Variants in ABLIM2 observed in about 807,000 individuals in gnomAD.
ABLIM2 encodes actin-binding LIM protein 2.
In ABLIM2, 53 loss-of-function variants were observed where a neutral mutation model predicts 97.7. The ratio of observed to expected loss-of-function variants is 0.54; its 90% confidence interval spans 0.44 to 0.68. ABLIM2 has a LOEUF of 0.68. Ranked by LOEUF, ABLIM2 falls within the 30% of genes least tolerant of loss-of-function variation. The probability of loss-of-function intolerance (pLI) is 0.00; values close to 1 mark genes in which losing one functional copy is unlikely to be tolerated. For synonymous variants in ABLIM2, 361 were observed against 345.8 expected (o/e 1.04, Z -0.49); for missense variants, 835 against 867.2 (o/e 0.96, Z 0.47).
chr4:8,056,448 A>G (rs1799209663), intron 7 of ABLIM2, among the ~76,000 whole-genome samples: 1 of 151,550 alleles, frequency 6.6e-6, no homozygotes. Context: ...CTACAGAAGC[A>G]TAGCACCATG....
chr4:8,056,032 G>C (rs1798840930), intron 7 of ABLIM2, among the ~76,000 whole-genome samples: 1 of 144,880 alleles, frequency 6.9e-6, no homozygotes, highest in Admixed American at 7.1e-5. Flanking sequence ...AGAATCGCTT[G>C]AACTTGGGAG....
At chr4:8,056,138 A>AAAAAAAAAAAC (rs1798975697) in intron 7 of ABLIM2, among the ~76,000 whole-genome samples, 1 of 142,170 alleles carries the variant, frequency 7.0e-6, no homozygotes, top group Non-Finnish European at 1.6e-5. Context: ...AAAAAAAAAA[A>AAAAAAAAAAAC]AGTAACAGAT....
intron 20 of ABLIM2, among the ~76,000 whole-genome samples, chr4:7,973,274 GC>G (rs1451732304): frequency 1.3e-5 from 2 of 152,074 alleles, no homozygotes; most frequent in Non-Finnish European, 2.9e-5. Flanking sequence ...AGTTTGGGGG[GC>G]TGAGACGGGT....
Position 8,019,771 on chromosome 4 carries a change from C to G in ABLIM2, c.1370-100G>C, listed in dbSNP as rs1772202717. ...CTTTTTGTAAGCAACAAGCACTCAC[C>G]CAGATTTAGAATCATCAGGCAGGAA... On this transcript the variant is annotated intron_variant, in intron 13 of 20. Coordinates refer to ENST00000447017, the MANE Select transcript of ABLIM2 (RefSeq NM_001130083.2). This position sits in a 1 kb window ranked among gnomAD's most constrained non-coding sequence, Gnocchi z 4.3. 1 of 1,182,246 alleles carries G rather than the reference C, an allele frequency of 8.5e-7. No individual in the cohort carries two copies. Among genetic ancestry groups the G allele is most frequent in the East Asian group, 2.4e-5 (1 of 41,720 alleles). 73.2% of individuals were successfully genotyped at this position (1,182,246 alleles called of 1,614,324 possible).
intron 6 of ABLIM2, among the ~76,000 whole-genome samples, chr4:8,064,431 G>A (rs1346045570): frequency 6.6e-6 from 1 of 152,230 alleles, no homozygotes; most frequent in Non-Finnish European, 1.5e-5. Flanking sequence ...GGAAAGCTCT[G>A]AGCCAGCCAG....
At chr4:8,025,371 T>C (rs1157751931) in intron 12 of ABLIM2, among the ~76,000 whole-genome samples, 1 of 151,990 alleles carries the variant, frequency 6.6e-6, no homozygotes, top group Non-Finnish European at 1.5e-5. Flanking sequence ...GGAGATGCCC[T>C]TGGAGGGGCT....
Position 8,077,537 on chromosome 4 carries a change from G to T in ABLIM2, c.675+91C>A, listed in dbSNP as rs574019326. The T allele has an allele frequency of 4.0e-6, 5 of 1,248,666 alleles. No homozygotes were observed. The South Asian group carries it at 4.2e-5, about 10-fold the overall frequency. The allele number at this position is 1,248,666 out of a possible 1,614,324, so 77.3% of individuals were successfully genotyped here. On this transcript the variant is annotated intron_variant, in intron 6 of 20. Transcript: ENST00000447017. ...TGAAGCTGCAGCCAGACAGATTCTT[G>T]CACAAACACACACAAATCTCCCAGT... is the stretch of plus-strand genomic sequence containing the variant.
intron 1 of ABLIM2, among the ~76,000 whole-genome samples, chr4:8,141,290 A>G (rs1850947762): frequency 6.6e-6 from 1 of 152,138 alleles, no homozygotes. Context: ...CAAAAGCTAT[A>G]ATCTTATGGA....
intron 10 of ABLIM2, among the ~76,000 whole-genome samples, 159 bp downstream of exon 10, chr4:8,035,990 C>T (rs113177023): frequency 0.019 from 2,857 of 152,268 alleles, 83 homozygotes; most frequent in African/African-American, 0.065. Flanking sequence ...AGGATGTGCA[C>T]ATGGCTATCT....
At position 8,135,444 on chromosome 4, in the gene ABLIM2, G is replaced by C. The variant is rs1578453919; in HGVS notation, c.10+23236C>G. 3.9e-5 allele frequency among the ~76,000 whole-genome samples: 6 copies of C among 152,318 alleles called. 1 individual carries two copies. Among genetic ancestry groups the C allele is most frequent in the Admixed American group, 3.9e-4 (6 of 15,304 alleles). ...GTGTTAGGACGTGAGGCCTTCGGAA[G>C]GTGATTAGTTCATGAGTGTGGAAGC... On this transcript the variant is annotated intron_variant, in intron 1 of 20. Transcript: ENST00000447017.
At chr4:8,139,494 T>G (rs188813315) in intron 1 of ABLIM2, among the ~76,000 whole-genome samples, 1 of 152,078 alleles carries the variant, frequency 6.6e-6, no homozygotes, top group East Asian at 1.9e-4. Flanking sequence ...AACAAACATA[T>G]GAAAAAAGCT....
Position 8,069,547 on chromosome 4 carries a change from A to C in ABLIM2, c.675+8081T>G, listed in dbSNP as rs1179768870. Among the ~76,000 whole-genome samples the C allele has an allele frequency of 2.0e-5, 3 of 152,068 alleles. No individual in the cohort carries two copies. The highest frequency in any genetic ancestry group is 2.9e-5 in the Non-Finnish European group (2 of 67,998). On this transcript the variant is annotated intron_variant, in intron 6 of 20. Coordinates refer to ENST00000447017, the MANE Select transcript of ABLIM2 (RefSeq NM_001130083.2). The surrounding 1 kb of genome is among the most constrained non-coding windows in gnomAD (Gnocchi z 4.2). ...AAGGCAGGAAGGCAGAGATGCGGCA[A>C]AGGGTGTGTGCGCATGTGCGTGTCT...
intron 10 of ABLIM2, among the ~76,000 whole-genome samples, chr4:8,034,919 G>A (rs1783508138): frequency 8.6e-6 from 1 of 116,756 alleles, no homozygotes. Flanking sequence ...TGGGTGGTGG[G>A]TGGTAGGTAG....
chr4:8,152,394 C>G (rs1172797723), intron 1 of ABLIM2, among the ~76,000 whole-genome samples: 2 of 151,426 alleles, frequency 1.3e-5, no homozygotes, highest in South Asian at 4.3e-4. Flanking sequence ...GAGATGCCAC[C>G]GGCCGCTCCG....
At chr4:7,975,067 A>G (rs1411994565) in intron 20 of ABLIM2, among the ~76,000 whole-genome samples, 1 of 152,072 alleles carries the variant, frequency 6.6e-6, no homozygotes, top group Non-Finnish European at 1.5e-5. Flanking sequence ...AAAAGTAAAA[A>G]ATTAGCTGGG....
At position 8,127,434 on chromosome 4, in the gene ABLIM2, G is replaced by A. The variant is rs918972048; in HGVS notation, c.11-20797C>T. 1 of 1,226,512 alleles carries A rather than the reference G, an allele frequency of 8.2e-7. No homozygotes were observed. Among genetic ancestry groups the A allele is most frequent in the Non-Finnish European group, 1.1e-6 (1 of 939,608 alleles). 76.0% of individuals were successfully genotyped at this position (1,226,512 alleles called of 1,614,324 possible). On this transcript the variant is annotated intron_variant, in intron 1 of 20. Transcript: ENST00000447017. The surrounding 1 kb of genome is among the most constrained non-coding windows in gnomAD (Gnocchi z 7.3). ...TGACTGGACCCGTCCTTTCCCACCAGACCCCTGAAGCTGATTCATGGAGCT... is the reference window on the plus strand; with the variant it reads ...TGACTGGACCCGTCCTTTCCCACCAAACCCCTGAAGCTGATTCATGGAGCT...
intron 3 of ABLIM2, among the ~76,000 whole-genome samples, chr4:8,091,581 TAAA>T (rs1427171425): frequency 3.2e-4 from 16 of 50,204 alleles, no homozygotes; most frequent in African/African-American, 1.2e-3. Flanking sequence ...TAATTTTATA[TAAA>T]ATTATATATA....
rs13143861 is a variant in ABLIM2 at position 8,046,051 on chromosome 4, C to G, written c.823-810G>C. On this transcript the variant is annotated intron_variant, in intron 8 of 20. Coordinates refer to ENST00000447017, the MANE Select transcript of ABLIM2 (RefSeq NM_001130083.2). This position sits in a 1 kb window ranked among gnomAD's most constrained non-coding sequence, Gnocchi z 4.4. Reference sequence around the variant, plus strand: ...ACAACTTAGAAATGGCCCTTCGGAGCCCCCTGGCAGCCACTCTCCCAACTG... The same window carrying G: ...ACAACTTAGAAATGGCCCTTCGGAGGCCCCTGGCAGCCACTCTCCCAACTG... 0.3 allele frequency among the ~76,000 whole-genome samples: 45,406 copies of G among 151,988 alleles called. 7,388 individuals carry two copies. Among genetic ancestry groups the G allele is most frequent in the African/African-American group, 0.41 (17,059 of 41,404 alleles).
chr4:8,063,430 A>G (rs1380464587), intron 6 of ABLIM2, among the ~76,000 whole-genome samples: 17 of 152,242 alleles, frequency 1.1e-4, no homozygotes, highest in African/African-American at 4.1e-4. Flanking sequence ...TGGTCTCCAC[A>G]GCTCGGGCCA....
Sources: allele counts gnomAD v4.1 joint callset (sites outside exome capture counted in the v4.1 genomes callset), GRCh38; gene constraint gnomAD v4.1.1; non-coding constraint Gnocchi (gnomAD v3.1); transcripts MANE v1.5; gene names NCBI Gene and HGNC (gene_info 2026-07-23, HGNC 2026-07-21).